ZZZ3: variants seen among roughly 807,000 people sequenced by gnomAD.
The protein encoded by ZZZ3 is ZZ-type zinc finger-containing protein 3.
A neutral mutation model predicts 95.2 loss-of-function variants in ZZZ3; 22 were observed. The ratio of observed to expected loss-of-function variants is 0.23; its 90% CI spans 0.17 to 0.33. ZZZ3 has a LOEUF of 0.33. Among genes scored for constraint, ZZZ3 ranks in the 10% least tolerant of loss-of-function variants. The pLI is 1.00. For synonymous variants in ZZZ3, 335 were observed against 358.9 expected, an observed-to-expected ratio of 0.93 and a Z score of 0.75; for missense variants, 885 against 1,066.5, an observed-to-expected ratio of 0.83 and a Z score of 2.37.
chr1:77,595,581 T>A (rs1383439623), intron 5 of ZZZ3, among the ~76,000 whole-genome samples: 1 of 152,074 alleles, frequency 6.6e-6, no homozygotes, highest in Non-Finnish European at 1.5e-5. Flanking sequence ...ATATATTTTT[T>A]AAAACTCCAC....
intron 1 of ZZZ3, among the ~76,000 whole-genome samples, chr1:77,649,133 A>T (rs1669570022): frequency 6.6e-6 from 1 of 152,178 alleles, no homozygotes; most frequent in African/African-American, 2.4e-5. Context: ...TCTCAAAAAA[A>T]CAAAATACAA....
At position 77,628,615 on chromosome 1, in the gene ZZZ3, A is replaced by T. The variant is rs184583616; in HGVS notation, c.1505+3235T>A. Among the ~76,000 whole-genome samples, 14 of 152,326 alleles carry T rather than the reference A, an allele frequency of 9.2e-5. No homozygotes were observed. The East Asian group carries it at 2.7e-3, about 29-fold the overall frequency. ...TTTACAAGTGATCGGATGACCTTATATGGGATATCTTTGCACACAAGACAG... is the reference window on the plus strand; with the variant it reads ...TTTACAAGTGATCGGATGACCTTATTTGGGATATCTTTGCACACAAGACAG... On this transcript the variant is annotated intron_variant, in intron 5 of 14. Transcript: ENST00000370801.
intron 12 of ZZZ3, among the ~76,000 whole-genome samples, chr1:77,570,294 G>A (rs1470319083): frequency 2.6e-5 from 4 of 152,056 alleles, no homozygotes; most frequent in African/African-American, 9.7e-5. Flanking sequence ...TAGTACAGAC[G>A]GGGTTTCACC....
intron 1 of ZZZ3, among the ~76,000 whole-genome samples, chr1:77,668,512 A>G (rs941297464): frequency 6.6e-6 from 1 of 152,170 alleles, no homozygotes; most frequent in South Asian, 2.1e-4. Flanking sequence ...TATACTCTCT[A>G]TATAAGTAGA....
intron 12 of ZZZ3, among the ~76,000 whole-genome samples, chr1:77,570,734 T>C (rs1410079637): frequency 6.6e-6 from 1 of 151,138 alleles, no homozygotes; most frequent in African/African-American, 2.4e-5. Flanking sequence ...ATGGTGGGGC[T>C]CTCTGCAGAC....
At chr1:77,626,440 G>A (rs1271113297) in intron 5 of ZZZ3, among the ~76,000 whole-genome samples, 1 of 152,188 alleles carries the variant, frequency 6.6e-6, no homozygotes, top group African/African-American at 2.4e-5. Context: ...GATCTCATCT[G>A]GGGGTGATAA....
rs901577942 is a variant in ZZZ3 at position 77,564,866 on chromosome 1, G to A, written c.*774C>T. 4 of 152,572 alleles carry A rather than the reference G, an allele frequency of 2.6e-5. No individual in the cohort carries two copies. The highest frequency in any genetic ancestry group is 5.9e-5 in the Non-Finnish European group (4 of 68,026). 9.5% of individuals were successfully genotyped at this position (152,572 alleles called of 1,614,324 possible). A position where few individuals can be genotyped will look rare whatever the true frequency, so the allele number is the denominator to read the frequency against. On this transcript the variant is annotated 3_prime_UTR_variant, in exon 15 of 15. Coordinates refer to ENST00000370801, the MANE Select transcript of ZZZ3 (RefSeq NM_015534.6). ...GGCTGTGTATTTTAAAGGAATTAAT[G>A]TTGTGAATTAGAAACTTTACACAGT...
At chr1:77,612,297 C>T (rs909771002) in intron 5 of ZZZ3, among the ~76,000 whole-genome samples, 2 of 151,910 alleles carry the variant, frequency 1.3e-5, no homozygotes, top group African/African-American at 4.8e-5. Context: ...ATAATAAATG[C>T]TGGTTGAGGG....
intron 5 of ZZZ3, among the ~76,000 whole-genome samples, chr1:77,610,415 C>A (rs540531980): frequency 6.6e-6 from 1 of 151,864 alleles, no homozygotes; most frequent in South Asian, 2.1e-4. Context: ...CAATCCTACT[C>A]AAACTATACC....
chr1:77,625,622 C>G (rs1172540202), intron 5 of ZZZ3, among the ~76,000 whole-genome samples: 1 of 151,990 alleles, frequency 6.6e-6, no homozygotes, highest in Non-Finnish European at 1.5e-5. Context: ...AGGAAAAAAA[C>G]AGACCTATTC....
intron 1 of ZZZ3, among the ~76,000 whole-genome samples, chr1:77,666,350 C>T (rs1418376782): frequency 1.3e-5 from 2 of 152,064 alleles, no homozygotes; most frequent in East Asian, 3.9e-4. Context: ...TTCACCAACA[C>T]AGTGAAACCC....
At chr1:77,568,303 A>C (rs764528089) in intron 13 of ZZZ3, 29 bp downstream of exon 13, 4 of 1,529,054 alleles carry the variant, frequency 2.6e-6, no homozygotes, top group Admixed American at 4.2e-5. Context: ...AATAAAATGA[A>C]ATGAATCCTA....
chr1:77,593,508 A>G (rs1047530456), intron 5 of ZZZ3, among the ~76,000 whole-genome samples: 1 of 152,212 alleles, frequency 6.6e-6, no homozygotes, highest in Non-Finnish European at 1.5e-5. Context: ...GGTGGTTACA[A>G]GTTTTTAAAA....
chr1:77,617,947 AAAAT>A (rs1031446375), intron 5 of ZZZ3, among the ~76,000 whole-genome samples: 1 of 152,096 alleles, frequency 6.6e-6, no homozygotes, highest in Non-Finnish European at 1.5e-5. Flanking sequence ...TCCATCTCAA[AAAAT>A]AAATAAATAA....
At chr1:77,592,444 G>A (rs535321598) in intron 5 of ZZZ3, among the ~76,000 whole-genome samples, 1 of 152,236 alleles carries the variant, frequency 6.6e-6, no homozygotes, top group East Asian at 1.9e-4. Context: ...TGGGATTACA[G>A]GTGCACACCA....
In ZZZ3 at chr1:77,584,591, G is replaced by A. The variant is rs750670752; in HGVS notation, c.1570C>T (p.Leu524Phe). The A allele has an allele frequency of 1.9e-6, 3 of 1,612,890 alleles. No homozygotes were observed. Among genetic ancestry groups the A allele is most frequent in the Admixed American group, 3.3e-5 (2 of 59,772 alleles). ...CTCTGGTGCCTGCCTAAACTTTCAA[G>A]GTCTTGGACTGCTTGAGAACGCTGA... ...EAQRSQAVQD[L>F]ESLGRHQREA... The change falls in exon 6 of 15, where the codon CTT becomes TTT. Residue 524 changes from leucine to phenylalanine, a missense_variant. Physicochemically the swap from Leu to Phe is conservative, Grantham distance 22. Coordinates refer to ENST00000370801, the MANE Select transcript of ZZZ3 (RefSeq NM_015534.6).
chr1:77,669,085 C>G (rs1433215166), intron 1 of ZZZ3, among the ~76,000 whole-genome samples: 2 of 151,160 alleles, frequency 1.3e-5, no homozygotes, highest in East Asian at 3.9e-4. Flanking sequence ...CCCCAGAGTT[C>G]TTAAAACACA....
intron 1 of ZZZ3, among the ~76,000 whole-genome samples, chr1:77,648,348 C>CAAA (rs774444208): frequency 2.7e-3 from 143 of 52,824 alleles, no homozygotes; most frequent in Middle Eastern, 0.011. Flanking sequence ...AATCTTGCCT[C>CAAA]AAAAAAAAAA....
intron 1 of ZZZ3, among the ~76,000 whole-genome samples, chr1:77,673,869 G>A (rs890525632): frequency 9.2e-5 from 14 of 151,658 alleles, no homozygotes; most frequent in Non-Finnish European, 1.9e-4. Flanking sequence ...ATACTACATG[G>A]TATCATAAAA....
Sources: gnomAD v4.1 joint callset for allele counts (sites outside exome capture counted in the v4.1 genomes callset) on GRCh38, gnomAD v4.1.1 for gene constraint, MANE v1.5 for transcripts, NCBI Gene and HGNC (gene_info 2026-07-23, HGNC 2026-07-21) for gene names.